Variants in NFIA observed in about 807,000 individuals in gnomAD.
NFIA encodes the protein nuclear factor 1 A-type.
In NFIA, 8 loss-of-function variants were observed where a neutral mutation model predicts 62.8. The observed-to-expected ratio is 0.13, with a 90% CI of 0.07 to 0.23. The LOEUF is 0.23. Ranked by LOEUF, NFIA falls within the 10% of genes least tolerant of loss-of-function variation. The pLI, the probability that NFIA is intolerant of heterozygous loss-of-function variation, is 1.00. For synonymous variants in NFIA, 235 were observed against 238.1 expected (o/e 0.99, Z 0.12); for missense variants, 410 against 642.1 (o/e 0.64, Z 3.91).
intron 3 of NFIA, among the ~76,000 whole-genome samples, chr1:61,307,216 T>G (rs1431991912): frequency 3.3e-5 from 5 of 152,122 alleles, no homozygotes; most frequent in African/African-American, 4.8e-5. Flanking sequence ...GTGATGGTAT[T>G]CAGAAGTGGG....
intron 2 of NFIA, among the ~76,000 whole-genome samples, chr1:61,196,630 T>C (rs767666119): frequency 6.6e-6 from 1 of 152,170 alleles, no homozygotes; most frequent in Non-Finnish European, 1.5e-5. Context: ...AGGTTAACTG[T>C]GTGCAAATGC....
chr1:61,403,365 T>C (rs1169576561), intron 7 of NFIA, among the ~76,000 whole-genome samples: 1 of 152,222 alleles, frequency 6.6e-6, no homozygotes, highest in East Asian at 1.9e-4. Context: ...CTTGTTCACA[T>C]GAAATTTACC....
chr1:61,235,433 A>C (rs1358598389), intron 2 of NFIA, among the ~76,000 whole-genome samples: 1 of 151,488 alleles, frequency 6.6e-6, no homozygotes, highest in Non-Finnish European at 1.5e-5. Context: ...ACTGCACTCC[A>C]GCCTGGGCAA....
At chr1:61,338,920 G>A (rs753900054) in intron 4 of NFIA, among the ~76,000 whole-genome samples, 1 of 152,166 alleles carries the variant, frequency 6.6e-6, no homozygotes, top group Non-Finnish European at 1.5e-5. Context: ...TTTTAAAATA[G>A]CTTATATTCT....
intron 6 of NFIA, among the ~76,000 whole-genome samples, chr1:61,380,969 G>T (rs1362349290): frequency 6.6e-6 from 1 of 152,040 alleles, no homozygotes; most frequent in Non-Finnish European, 1.5e-5. Context: ...TATTTCTGCA[G>T]TATTTAGAAT....
At chr1:61,255,996 A>G (rs760488743) in intron 2 of NFIA, among the ~76,000 whole-genome samples, 5 of 152,212 alleles carry the variant, frequency 3.3e-5, no homozygotes, top group African/African-American at 7.2e-5. Flanking sequence ...AATACCTAGC[A>G]TATCGTTTAG....
chr1:61,095,547 A>G (rs998584324), intron 2 of NFIA, among the ~76,000 whole-genome samples: 9 of 152,202 alleles, frequency 5.9e-5, no homozygotes, highest in Non-Finnish European at 8.8e-5. Flanking sequence ...TCAAAGGGAA[A>G]GTAAAAAGTC....
intron 9 of NFIA, among the ~76,000 whole-genome samples, chr1:61,407,034 A>G (rs975596669): frequency 1.3e-4 from 20 of 152,222 alleles, no homozygotes; most frequent in African/African-American, 4.8e-4. Context: ...CCCATCATCA[A>G]GCAGCAGCTA....
intron 7 of NFIA, among the ~76,000 whole-genome samples, chr1:61,392,349 A>G (rs1665022644): frequency 1.3e-5 from 2 of 152,214 alleles, no homozygotes; most frequent in South Asian, 2.1e-4. Flanking sequence ...TTTTAAAACT[A>G]CAACTAAACA....
In NFIA at chr1:61,246,698, A is replaced by T. The variant is rs142989982; in HGVS notation, c.560-30822A>T. 9.8e-5 allele frequency among the ~76,000 whole-genome samples: 15 copies of T among 152,296 alleles called. No homozygotes were observed. The East Asian group carries it at 2.7e-3, about 27-fold the overall frequency. On this transcript the variant is annotated intron_variant, in intron 2 of 10. Transcript: ENST00000403491. Reference sequence around the variant, plus strand: ...CTGATTTATGGAGGACACATTGTAAATCACTAGGCTAATATCTCTTATTAA... The same window carrying T: ...CTGATTTATGGAGGACACATTGTAATTCACTAGGCTAATATCTCTTATTAA...
At chr1:61,213,328 A>G (rs1653385571) in intron 2 of NFIA, among the ~76,000 whole-genome samples, 1 of 152,218 alleles carries the variant, frequency 6.6e-6, no homozygotes. Flanking sequence ...TGCGCCTGAT[A>G]TAGATGACGT....
chr1:61,324,247 G>C (rs1040187252), intron 3 of NFIA, among the ~76,000 whole-genome samples: 4 of 152,196 alleles, frequency 2.6e-5, no homozygotes, highest in African/African-American at 9.6e-5. Flanking sequence ...AGCACAGGCA[G>C]TCCAAAATCC....
At chr1:61,356,964 C>CT (rs1372208832) in intron 5 of NFIA, among the ~76,000 whole-genome samples, 2 of 152,246 alleles carry the variant, frequency 1.3e-5, no homozygotes, top group Non-Finnish European at 2.9e-5. Flanking sequence ...CTTTCTAAAT[C>CT]TATCATCTGC....
At chr1:61,077,698 G>A, upstream of NFIA, 1 of 1,266,218 alleles carries the variant, frequency 7.9e-7, no homozygotes, top group Non-Finnish European at 1.0e-6. Context: ...ATGGTAGAAT[G>A]ATTTTGTTTA....
At chr1:61,361,823 G>C (rs918992379) in intron 6 of NFIA, among the ~76,000 whole-genome samples, 2 of 126,144 alleles carry the variant, frequency 1.6e-5, no homozygotes, top group African/African-American at 6.1e-5. Flanking sequence ...GTGTGTGTGT[G>C]TGTACGTACA....
At chr1:61,359,311 T>G in intron 6 of NFIA, 37 bp downstream of exon 6, 1 of 1,611,352 alleles carries the variant, frequency 6.2e-7, no homozygotes. Flanking sequence ...TGGCTAACAC[T>G]GTGAAACTGA....
intron 2 of NFIA, among the ~76,000 whole-genome samples, chr1:61,131,973 G>C (rs1647089382): frequency 6.6e-6 from 1 of 152,162 alleles, no homozygotes; most frequent in Non-Finnish European, 1.5e-5. Flanking sequence ...TTGGTGACTT[G>C]TTCCTACTCC....
chr1:61,234,282 G>A (rs1385919057), intron 2 of NFIA, among the ~76,000 whole-genome samples: 3 of 150,396 alleles, frequency 2.0e-5, no homozygotes, highest in Non-Finnish European at 4.4e-5. Context: ...CAGGAGAATC[G>A]CTTGAACCCG....
At chr1:61,169,332 T>G (rs1649788515) in intron 2 of NFIA, among the ~76,000 whole-genome samples, 1 of 152,210 alleles carries the variant, frequency 6.6e-6, no homozygotes. Context: ...ACTTGATTTC[T>G]TGCTGTTTGT....
Sources: allele counts gnomAD v4.1 joint callset (sites outside exome capture counted in the v4.1 genomes callset), GRCh38; gene constraint gnomAD v4.1.1; transcripts MANE v1.5; gene names NCBI Gene and HGNC (gene_info 2026-07-23, HGNC 2026-07-21).